Variants in LIMCH1 observed in about 807,000 individuals in gnomAD.
LIMCH1 encodes the protein LIM and calponin homology domains 1.
In LIMCH1, 113 loss-of-function variants were observed where a neutral mutation model predicts 176.5. The observed-to-expected ratio is 0.64, with a 90% confidence interval of 0.55 to 0.75. The LOEUF (loss-of-function observed/expected upper bound fraction) is 0.75. Ranked by LOEUF, LIMCH1 falls within the 30% of genes least tolerant of loss-of-function variation. LIMCH1 has a pLI of 0.00. For missense variants in LIMCH1, 1,674 were observed against 1,814.9 expected, an observed-to-expected ratio of 0.92 and a Z score of 1.41; for synonymous variants, 619 against 645.9, an observed-to-expected ratio of 0.96 and a Z score of 0.63.
At chr4:41,690,048 G>C (rs893084079) in intron 30 of LIMCH1, among the ~76,000 whole-genome samples, 1 of 152,130 alleles carries the variant, frequency 6.6e-6, no homozygotes, top group Admixed American at 6.6e-5. Flanking sequence ...AAAATTGTCT[G>C]TCAATTAAGT....
intron 28 of LIMCH1, 27 bp from the exon 29 acceptor site, chr4:41,687,813 A>C: frequency 6.7e-7 from 1 of 1,499,620 alleles, no homozygotes; most frequent in East Asian, 2.3e-5. Context: ...GCTTGTCATA[A>C]TTTTTGACTC....
At chr4:41,364,335 A>G (rs983958528) in intron 1 of LIMCH1, among the ~76,000 whole-genome samples, 1 of 151,934 alleles carries the variant, frequency 6.6e-6, no homozygotes, top group Non-Finnish European at 1.5e-5. Flanking sequence ...TACTACTACT[A>G]TTATCATTAT....
At chr4:41,556,007 G>A (rs1054450770) in intron 1 of LIMCH1, among the ~76,000 whole-genome samples, 1 of 152,086 alleles carries the variant, frequency 6.6e-6, no homozygotes, top group African/African-American at 2.4e-5. Flanking sequence ...AGTCTCTGAA[G>A]GTGTTGGGAT....
chr4:41,413,081 C>G (rs748241467), intron 1 of LIMCH1, among the ~76,000 whole-genome samples: 1 of 151,994 alleles, frequency 6.6e-6, no homozygotes, highest in African/African-American at 2.4e-5. Context: ...ATGTCAAATT[C>G]CCTTCTCCTT....
intron 1 of LIMCH1, among the ~76,000 whole-genome samples, chr4:41,461,090 CCTT>C (rs2065309901): frequency 6.6e-6 from 1 of 152,178 alleles, no homozygotes; most frequent in African/African-American, 2.4e-5. Context: ...CTATGCTAGT[CCTT>C]CTTCTAAACA....
At chr4:41,648,781 G>T (rs569066018) in intron 17 of LIMCH1, among the ~76,000 whole-genome samples, 2 of 150,726 alleles carry the variant, frequency 1.3e-5, no homozygotes, top group Admixed American at 6.6e-5. Flanking sequence ...AAGATCAAGA[G>T]AAATAGTTTA....
At position 41,481,132 on chromosome 4, in the gene LIMCH1, C is replaced by T. The variant is rs534540021; in HGVS notation, c.97-13404C>T. Among the ~76,000 whole-genome samples, 21 of 151,938 alleles carry T rather than the reference C, an allele frequency of 1.4e-4. No homozygotes were observed. In the East Asian group the frequency reaches 3.1e-3, roughly 22 times the overall value. On this transcript the variant is annotated intron_variant, in intron 1 of 26. Transcript: ENST00000313860. ...ATTCTGCAGATTGCATTTTATTTTC[C>T]TCAATATTAAGCACTCAGAGCTGGT...
intron 1 of LIMCH1, among the ~76,000 whole-genome samples, chr4:41,488,160 C>G (rs1046450054): frequency 1.3e-5 from 2 of 152,154 alleles, no homozygotes. Context: ...AATGTTGGCA[C>G]TGTTTTCACT....
intron 1 of LIMCH1, among the ~76,000 whole-genome samples, chr4:41,550,648 T>C (rs754005296): frequency 6.6e-6 from 1 of 152,160 alleles, no homozygotes; most frequent in Non-Finnish European, 1.5e-5. Context: ...AAAAGAGATA[T>C]TTGAAAGAAA....
chr4:41,639,716 T>C (rs1223603595), intron 14 of LIMCH1, among the ~76,000 whole-genome samples: 3 of 152,192 alleles, frequency 2.0e-5, no homozygotes, highest in Non-Finnish European at 2.9e-5. Flanking sequence ...AAGGCAAACT[T>C]TTTTTTATTT....
At chr4:41,430,018 A>G (rs2061455258) in intron 1 of LIMCH1, among the ~76,000 whole-genome samples, 1 of 152,204 alleles carries the variant, frequency 6.6e-6, no homozygotes, top group East Asian at 1.9e-4. Context: ...GGGAAACACA[A>G]TCCTATAATG....
chr4:41,612,475 A>G (rs2091548489), intron 4 of LIMCH1: 1 of 697,142 alleles, frequency 1.4e-6, no homozygotes. Flanking sequence ...ATTTTAAGCG[A>G]CAGTCTGGAT....
intron 1 of LIMCH1, among the ~76,000 whole-genome samples, chr4:41,431,656 C>T (rs959773045): frequency 3.9e-5 from 6 of 152,154 alleles, no homozygotes; most frequent in Non-Finnish European, 7.3e-5. Flanking sequence ...CAGTTGACTT[C>T]GCAAAGATCT....
chr4:41,493,309 C>A (rs993706524), intron 1 of LIMCH1, among the ~76,000 whole-genome samples: 27 of 151,574 alleles, frequency 1.8e-4, no homozygotes, highest in Non-Finnish European at 3.7e-4. Context: ...TTTTTATGAT[C>A]AATTTTATCT....
intron 1 of LIMCH1, among the ~76,000 whole-genome samples, chr4:41,581,019 A>G (rs1367955998): frequency 1.3e-5 from 2 of 152,192 alleles, no homozygotes; most frequent in African/African-American, 4.8e-5. Flanking sequence ...GTAAAGAGTT[A>G]TCATTCAAAA....
Position 41,646,328 on chromosome 4 carries a change from T to G in LIMCH1, c.2411+48T>G, listed in dbSNP as rs188527926. On this transcript the variant is annotated intron_variant, in intron 16 of 31. Transcript: ENST00000503057. ...TTTAATGTACAATATTATCTAGGTG[T>G]TTTTTTTTTCTAAAAATTATTGGCT... 136 of 1,474,780 alleles carry G rather than the reference T, an allele frequency of 9.2e-5. 2 individuals carry two copies. The Admixed American group carries it at 1.8e-3, about 19-fold the overall frequency. 91.4% of individuals were successfully genotyped at this position (1,474,780 alleles called of 1,614,324 possible). A position where few individuals can be genotyped will look rare whatever the true frequency, so the allele number is the denominator to read the frequency against.
At chr4:41,563,022 C>T (rs1018642104) in intron 1 of LIMCH1, among the ~76,000 whole-genome samples, 47 of 152,086 alleles carry the variant, frequency 3.1e-4, no homozygotes, top group African/African-American at 1.1e-3. Flanking sequence ...TTTTCCTCTC[C>T]CAGTGGAACA....
intron 1 of LIMCH1, among the ~76,000 whole-genome samples, chr4:41,465,283 C>CT (rs1365404469): frequency 6.6e-6 from 1 of 152,146 alleles, no homozygotes; most frequent in East Asian, 1.9e-4. Flanking sequence ...TGGTTCCCAC[C>CT]TGCCCCCGCA....
chr4:41,610,077 A>G (rs2091246274), intron 4 of LIMCH1, among the ~76,000 whole-genome samples: 1 of 152,182 alleles, frequency 6.6e-6, no homozygotes, highest in Non-Finnish European at 1.5e-5. Context: ...CAGCTCTTGC[A>G]CTTGGTCCAA....
Sources: gnomAD v4.1 joint callset for allele counts (sites outside exome capture counted in the v4.1 genomes callset) on GRCh38, gnomAD v4.1.1 for gene constraint, MANE v1.5 for transcripts, NCBI Gene and HGNC (gene_info 2026-07-23, HGNC 2026-07-21) for gene names.